Variants in ARHGAP15 observed in about 807,000 individuals in gnomAD.
The protein encoded by ARHGAP15 is Rho GTPase activating protein 15, also known as rho GTPase-activating protein 15.
Under a neutral mutation model 63.7 loss-of-function variants are expected in ARHGAP15, and 51 were observed. The observed-to-expected ratio is 0.80, with a 90% confidence interval of 0.64 to 1.01. ARHGAP15 has a LOEUF of 1.01. Ranked by LOEUF, ARHGAP15 falls within the 50% of genes least tolerant of loss-of-function variation. ARHGAP15 has a pLI of 0.00. For missense variants in ARHGAP15, 560 were observed against 564.6 expected (o/e 0.99, Z 0.08); for synonymous variants, 191 against 193.8 (o/e 0.99, Z 0.12).
intron 6 of ARHGAP15, among the ~76,000 whole-genome samples, chr2:143,272,441 C>A (rs1426180002): frequency 1.3e-5 from 2 of 151,818 alleles, no homozygotes; most frequent in East Asian, 3.9e-4. Flanking sequence ...GACCAGCTAG[C>A]CAACACAGTT....
chr2:143,767,535 C>T (rs368148389), intron 13 of ARHGAP15, among the ~76,000 whole-genome samples: 1 of 152,168 alleles, frequency 6.6e-6, no homozygotes, highest in Non-Finnish European at 1.5e-5. Context: ...GCCAGGAATA[C>T]TTTACTCAAC....
chr2:143,697,420 C>A (rs201360153), intron 12 of ARHGAP15, among the ~76,000 whole-genome samples: 3 of 152,024 alleles, frequency 2.0e-5, no homozygotes, highest in Non-Finnish European at 4.4e-5. Context: ...TTTAATTCTA[C>A]GAAAATCCAA....
intron 2 of ARHGAP15, among the ~76,000 whole-genome samples, chr2:143,180,895 G>A (rs1211502288): frequency 1.3e-5 from 2 of 152,032 alleles, no homozygotes; most frequent in Admixed American, 6.5e-5. Flanking sequence ...GAATGGTCTC[G>A]ATCTCCTGAC....
At chr2:143,762,461 G>T (rs1441979029) in intron 13 of ARHGAP15, among the ~76,000 whole-genome samples, 1 of 152,166 alleles carries the variant, frequency 6.6e-6, no homozygotes, top group Non-Finnish European at 1.5e-5. Flanking sequence ...CCTACCAGAG[G>T]GGTGGAACTA....
chr2:143,261,505 ATT>A (rs35112145), intron 6 of ARHGAP15, among the ~76,000 whole-genome samples: 24 of 142,024 alleles, frequency 1.7e-4, no homozygotes, highest in South Asian at 6.7e-4. Context: ...CACCCGGCTA[ATT>A]TTTTTTTTTT....
chr2:143,718,650 A>C (rs1211300786), intron 13 of ARHGAP15, among the ~76,000 whole-genome samples: 1 of 152,064 alleles, frequency 6.6e-6, no homozygotes, highest in East Asian at 1.9e-4. Context: ...CTGTTTCCTC[A>C]TACATTTTTC....
At chr2:143,554,685 G>C (rs1414500436) in intron 10 of ARHGAP15, among the ~76,000 whole-genome samples, 1 of 151,982 alleles carries the variant, frequency 6.6e-6, no homozygotes, top group Admixed American at 6.6e-5. Context: ...AACATTCTGG[G>C]TGTAAGTGCA....
chr2:143,330,123 A>C (rs796070384), intron 6 of ARHGAP15, among the ~76,000 whole-genome samples: 7 of 84,992 alleles, frequency 8.2e-5, no homozygotes, highest in African/African-American at 2.1e-4. Context: ...AAAAAAAAAA[A>C]AAAAAAAACC....
In ARHGAP15 at chr2:143,153,759, A is replaced by C. The variant is rs546005268; in HGVS notation, c.-14-1718A>C. ...TTGGCATTTTTGAGAATATTATATAAATGAAATTATATAATAAATCTTCTT... is the reference window on the plus strand; with the variant it reads ...TTGGCATTTTTGAGAATATTATATACATGAAATTATATAATAAATCTTCTT... On this transcript the variant is annotated intron_variant, in intron 1 of 13. Coordinates refer to ENST00000295095, the MANE Select transcript of ARHGAP15 (RefSeq NM_018460.4). 3.3e-5 allele frequency among the ~76,000 whole-genome samples: 5 copies of C among 151,216 alleles called. No homozygotes were observed. In the South Asian group the frequency reaches 1.0e-3, roughly 32 times the overall value.
At chr2:143,565,656 T>C (rs1253050859) in intron 11 of ARHGAP15, among the ~76,000 whole-genome samples, 1 of 152,190 alleles carries the variant, frequency 6.6e-6, no homozygotes. Flanking sequence ...AAGGATCCCA[T>C]ATCCCCATTT....
intron 8 of ARHGAP15, among the ~76,000 whole-genome samples, chr2:143,443,192 A>G (rs1689969563): frequency 6.6e-6 from 1 of 152,178 alleles, no homozygotes; most frequent in South Asian, 2.1e-4. Context: ...CTTATTAAGA[A>G]TTTTGTGTAA....
chr2:143,149,851 A>G (rs1558776539), intron 1 of ARHGAP15, among the ~76,000 whole-genome samples: 1 of 152,006 alleles, frequency 6.6e-6, no homozygotes, highest in Non-Finnish European at 1.5e-5. Context: ...ACAAACATTT[A>G]AGTCTCTATT....
At chr2:143,385,757 TGAA>T (rs1381262744) in intron 6 of ARHGAP15, among the ~76,000 whole-genome samples, 1 of 152,138 alleles carries the variant, frequency 6.6e-6, no homozygotes, top group East Asian at 1.9e-4. Flanking sequence ...TTGTATTAGA[TGAA>T]ACAAACTAAT....
chr2:143,497,405 G>A (rs2104924233), intron 9 of ARHGAP15, among the ~76,000 whole-genome samples: 1 of 152,264 alleles, frequency 6.6e-6, no homozygotes, highest in Middle Eastern at 3.4e-3. Flanking sequence ...ACCACCTGAT[G>A]AGAAGAAAAA....
intron 2 of ARHGAP15, among the ~76,000 whole-genome samples, chr2:143,200,262 T>C (rs575533720): frequency 6.6e-5 from 10 of 152,214 alleles, no homozygotes; most frequent in South Asian, 2.1e-4. Context: ...GAAGCGAACA[T>C]TGGGGAAAAT....
chr2:143,209,400 A>G (rs1004838219), intron 3 of ARHGAP15, among the ~76,000 whole-genome samples: 2 of 152,080 alleles, frequency 1.3e-5, no homozygotes, highest in Non-Finnish European at 2.9e-5. Context: ...TAATTCAAGT[A>G]TTTGTTGAGG....
chr2:143,255,239 T>A (rs1164810143), intron 6 of ARHGAP15, among the ~76,000 whole-genome samples: 1 of 152,026 alleles, frequency 6.6e-6, no homozygotes, highest in Admixed American at 6.6e-5. Context: ...AAAAATTAAA[T>A]GACTAAAGAA....
At chr2:143,249,748 A>G (rs1330811626) in intron 5 of ARHGAP15, among the ~76,000 whole-genome samples, 3 of 152,110 alleles carry the variant, frequency 2.0e-5, no homozygotes, top group African/African-American at 7.2e-5. Flanking sequence ...TGATATTCCT[A>G]TTGATTATTG....
intron 13 of ARHGAP15, among the ~76,000 whole-genome samples, chr2:143,708,901 G>T (rs1684449282): frequency 6.6e-6 from 1 of 151,868 alleles, no homozygotes; most frequent in Non-Finnish European, 1.5e-5. Flanking sequence ...AAGCCAGCAG[G>T]GCCATACTCT....
Sources: gnomAD v4.1 joint callset for allele counts (sites outside exome capture counted in the v4.1 genomes callset) on GRCh38, gnomAD v4.1.1 for gene constraint, MANE v1.5 for transcripts, NCBI Gene and HGNC (gene_info 2026-07-23, HGNC 2026-07-21) for gene names.